Variants in GRID1 observed in about 807,000 individuals in gnomAD.
GRID1 encodes glutamate ionotropic receptor delta type subunit 1, also known as glutamate receptor ionotropic, delta-1.
GRID1 carries 28 observed loss-of-function variants against 98.0 expected under a neutral mutation model. That is an observed-to-expected ratio of 0.29 (90% CI 0.21 to 0.39). The LOEUF (loss-of-function observed/expected upper bound fraction) is 0.39. Among genes scored for constraint, GRID1 ranks in the 10% least tolerant of loss-of-function variants. The pLI is 1.00. For missense variants in GRID1, 1,111 were observed against 1,340.5 expected (o/e 0.83, Z 2.67); for synonymous variants, 553 against 538.5 (o/e 1.03, Z -0.37).
intron 5 of GRID1, among the ~76,000 whole-genome samples, chr10:85,907,438 T>A (rs1361665269): frequency 1.3e-5 from 2 of 152,146 alleles, no homozygotes; most frequent in African/African-American, 4.8e-5. Context: ...ACAACTTAGA[T>A]GAAACGGAAA....
intron 5 of GRID1, among the ~76,000 whole-genome samples, chr10:85,915,184 C>T (rs1225301659): frequency 6.6e-6 from 1 of 152,088 alleles, no homozygotes; most frequent in Non-Finnish European, 1.5e-5. Flanking sequence ...CCTACACGTA[C>T]TGGTTGCACA....
intron 2 of GRID1, among the ~76,000 whole-genome samples, chr10:86,359,102 G>A (rs1848569786): frequency 6.6e-6 from 1 of 152,222 alleles, no homozygotes; most frequent in Non-Finnish European, 1.5e-5. Flanking sequence ...ATAAATGTGT[G>A]TTGATCTAAC....
chr10:86,116,184 A>C (rs1163774641), intron 4 of GRID1, among the ~76,000 whole-genome samples: 1 of 152,246 alleles, frequency 6.6e-6, no homozygotes, highest in East Asian at 1.9e-4. Flanking sequence ...TAATAGCTCA[A>C]GAGTAAACAG....
chr10:86,253,864 C>T (rs1490636426), intron 2 of GRID1, among the ~76,000 whole-genome samples: 1 of 152,188 alleles, frequency 6.6e-6, no homozygotes, highest in African/African-American at 2.4e-5. Context: ...GACACCGACC[C>T]TCACATCTAT....
chr10:85,882,898 A>G (rs1841055778), intron 5 of GRID1, among the ~76,000 whole-genome samples: 1 of 152,096 alleles, frequency 6.6e-6, no homozygotes, highest in African/African-American at 2.4e-5. Flanking sequence ...ATGTTATGCT[A>G]TACCCAGATA....
At chr10:85,843,878 AT>A (rs35305458) in intron 8 of GRID1, among the ~76,000 whole-genome samples, 8 of 151,536 alleles carry the variant, frequency 5.3e-5, no homozygotes, top group East Asian at 1.9e-4. Context: ...TTTGGCTGTA[AT>A]TTTTTTTTAA....
At chr10:85,610,083 C>T (rs1002562561) in intron 15 of GRID1, among the ~76,000 whole-genome samples, 1 of 152,230 alleles carries the variant, frequency 6.6e-6, no homozygotes, top group African/African-American at 2.4e-5. Flanking sequence ...CACCCAAAGA[C>T]AGGTTTCTGG....
chr10:85,912,373 C>G (rs1380525961), intron 5 of GRID1, among the ~76,000 whole-genome samples: 1 of 152,250 alleles, frequency 6.6e-6, no homozygotes, highest in Non-Finnish European at 1.5e-5. Context: ...GACTCACACT[C>G]ACAAAGCTTC....
At chr10:86,181,135 G>A (rs1845649522) in intron 3 of GRID1, among the ~76,000 whole-genome samples, 1 of 152,192 alleles carries the variant, frequency 6.6e-6, no homozygotes, top group Non-Finnish European at 1.5e-5. Context: ...CAGGTGCCAG[G>A]AGCAGGGCAC....
intron 3 of GRID1, among the ~76,000 whole-genome samples, chr10:86,183,808 G>T (rs1278612015): frequency 6.6e-6 from 1 of 152,350 alleles, no homozygotes; most frequent in South Asian, 2.1e-4. Context: ...TGACTGATAT[G>T]ATAGGTGTAT....
intron 4 of GRID1, among the ~76,000 whole-genome samples, chr10:85,954,162 T>C (rs1004395595): frequency 9.2e-5 from 14 of 152,126 alleles, no homozygotes; most frequent in African/African-American, 3.4e-4. Context: ...CAGTAGGAAG[T>C]TCTGGTCCCA....
chr10:85,958,748 G>A (rs775227604), intron 4 of GRID1, among the ~76,000 whole-genome samples: 6 of 151,838 alleles, frequency 4.0e-5, no homozygotes, highest in Non-Finnish European at 7.4e-5. Flanking sequence ...ACCTGAGGTC[G>A]GAAGTTCAAG....
intron 2 of GRID1, among the ~76,000 whole-genome samples, chr10:86,238,123 G>C (rs1027594833): frequency 1.3e-5 from 2 of 152,214 alleles, no homozygotes; most frequent in Non-Finnish European, 1.5e-5. Context: ...CCATTTTCTG[G>C]GGAAGAATTC....
At chr10:85,733,989 G>A (rs934661694) in intron 8 of GRID1, among the ~76,000 whole-genome samples, 4 of 152,106 alleles carry the variant, frequency 2.6e-5, no homozygotes, top group Admixed American at 6.5e-5. Context: ...AACTAGCATA[G>A]ATGATTAAGC....
At chr10:85,647,654 T>C (rs1843213235) in intron 12 of GRID1, 1 of 435,762 alleles carries the variant, frequency 2.3e-6, no homozygotes, top group East Asian at 3.7e-5. Flanking sequence ...GGTTCTTTAC[T>C]GAACTGGAGG....
At chr10:86,103,526 G>A (rs11594178) in intron 4 of GRID1, among the ~76,000 whole-genome samples, 11,270 of 152,292 alleles carry the variant, frequency 0.074, 497 homozygotes, top group South Asian at 0.2. Context: ...CCAAGCAAGC[G>A]TCAGCCATGG....
chr10:86,029,183 C>T (rs1843153741), intron 4 of GRID1, among the ~76,000 whole-genome samples: 2 of 152,224 alleles, frequency 1.3e-5, no homozygotes, highest in Admixed American at 1.3e-4. Context: ...TCCACTTCCC[C>T]CCAAAACCCA....
At chr10:85,979,941 C>G (rs1173936723) in intron 4 of GRID1, among the ~76,000 whole-genome samples, 1 of 152,232 alleles carries the variant, frequency 6.6e-6, no homozygotes, top group East Asian at 1.9e-4. Flanking sequence ...ACCTTCTATC[C>G]AGGCTCCACA....
Position 86,299,331 on chromosome 10 carries a change from CT to C in GRID1, c.235+64609del, listed in dbSNP as rs58039910. ...GGTAACCATGTCCTGTTCTCTATTT[CT>C]TTTTTTTTTTTATCATTATACTTTA... On this transcript the variant is annotated intron_variant, in intron 2 of 15. Coordinates refer to ENST00000327946, the MANE Select transcript of GRID1 (RefSeq NM_017551.3). Among the ~76,000 whole-genome samples the C allele has an allele frequency of 3.5e-4, 51 of 145,296 alleles. No individual in the cohort carries two copies. The East Asian group carries it at 4.2e-3, about 12-fold the overall frequency.
Sources: gnomAD v4.1 joint callset for allele counts (sites outside exome capture counted in the v4.1 genomes callset) on GRCh38, gnomAD v4.1.1 for gene constraint, MANE v1.5 for transcripts, NCBI Gene and HGNC (gene_info 2026-07-23, HGNC 2026-07-21) for gene names.